The following PLA2G4E variants were observed in gnomAD, a reference collection of about 807,000 sequenced individuals.
PLA2G4E encodes cytosolic phospholipase A2 epsilon.
In PLA2G4E, 84 loss-of-function variants were observed where a neutral mutation model predicts 109.1. The observed-to-expected ratio is 0.77, with a 90% CI of 0.65 to 0.92. PLA2G4E has a LOEUF of 0.92. Ranked by LOEUF, PLA2G4E falls within the 40% of genes least tolerant of loss-of-function variation. The pLI, the probability that PLA2G4E is intolerant of heterozygous loss-of-function variation, is 0.00. For missense variants in PLA2G4E, 1,057 were observed against 1,076.6 expected (o/e 0.98, Z 0.25); for synonymous variants, 469 against 436.1 (o/e 1.08, Z -0.94).
At chr15:41,986,402 A>G (rs2068142540) in intron 17 of PLA2G4E, among the ~76,000 whole-genome samples, 1 of 152,178 alleles carries the variant, frequency 6.6e-6, no homozygotes, top group Admixed American at 6.5e-5. Flanking sequence ...TCAGCAGCAG[A>G]GGAGGCGGCA....
At chr15:41,987,770 C>G (rs1187670013) in intron 16 of PLA2G4E, among the ~76,000 whole-genome samples, 1 of 152,144 alleles carries the variant, frequency 6.6e-6, no homozygotes. Flanking sequence ...CACTGTAGCC[C>G]CAGCTGCCCT....
At chr15:42,015,067 C>A (rs967718054) in intron 1 of PLA2G4E, among the ~76,000 whole-genome samples, 2 of 152,162 alleles carry the variant, frequency 1.3e-5, no homozygotes, top group African/African-American at 4.8e-5. Context: ...CATCTCAAGC[C>A]CAGGTCCTCA....
intron 1 of PLA2G4E, among the ~76,000 whole-genome samples, chr15:42,030,445 G>A (rs182099503): frequency 1.6e-3 from 242 of 152,286 alleles, no homozygotes; most frequent in Non-Finnish European, 2.5e-3. Flanking sequence ...CCAAATACAC[G>A]ATAGGCTCCC....
chr15:42,022,601 C>G (rs1031137985), intron 1 of PLA2G4E, among the ~76,000 whole-genome samples: 1 of 151,926 alleles, frequency 6.6e-6, no homozygotes, highest in Non-Finnish European at 1.5e-5. Flanking sequence ...CTAGATCCCT[C>G]GAGTATACAG....
chr15:42,026,302 C>T (rs1230138755), intron 1 of PLA2G4E, among the ~76,000 whole-genome samples: 1 of 152,060 alleles, frequency 6.6e-6, no homozygotes, highest in Non-Finnish European at 1.5e-5. Context: ...AAATTGGCAC[C>T]ACAAGTCAAT....
At chr15:42,026,888 G>T (rs73397840) in intron 1 of PLA2G4E, among the ~76,000 whole-genome samples, 7 of 151,460 alleles carry the variant, frequency 4.6e-5, no homozygotes, top group Non-Finnish European at 8.8e-5. Flanking sequence ...TAAAAGAACC[G>T]CTTGAACCCA....
exon 11 of PLA2G4E, chr15:41,997,238 C>T (rs563492624): frequency 1.4e-5 from 22 of 1,548,640 alleles, no homozygotes; most frequent in African/African-American, 5.5e-5. Context: ...TGAAGCCCAG[C>T]CGCACGTCCA....
chr15:42,049,858 G>T (rs1253905014), intron 1 of PLA2G4E, among the ~76,000 whole-genome samples: 1 of 152,196 alleles, frequency 6.6e-6, no homozygotes, highest in East Asian at 1.9e-4. Flanking sequence ...TCACACGCCC[G>T]CCCAGAGGAG....
intron 13 of PLA2G4E, among the ~76,000 whole-genome samples, chr15:41,990,453 C>T (rs184665894): frequency 3.9e-5 from 6 of 152,070 alleles, no homozygotes; most frequent in South Asian, 2.1e-4. Flanking sequence ...AGACAGGGGC[C>T]GGGACTGGAT....
intron 7 of PLA2G4E, 67 bp from the exon 8 acceptor site, chr15:42,000,349 C>A: frequency 3.5e-6 from 5 of 1,426,024 alleles, no homozygotes; most frequent in South Asian, 2.8e-5. Flanking sequence ...CTTGGTCCAG[C>A]AAAAAACCTA....
intron 3 of PLA2G4E, 185 bp from the exon 4 acceptor site, chr15:42,006,306 C>A (rs1849982918): frequency 1.1e-5 from 7 of 614,224 alleles, no homozygotes; most frequent in Non-Finnish European, 1.8e-5. Context: ...AGTGTCTATT[C>A]CCTCCTTTCC....
intron 1 of PLA2G4E, among the ~76,000 whole-genome samples, chr15:42,031,634 C>A (rs552554765): frequency 3.3e-5 from 5 of 152,284 alleles, no homozygotes; most frequent in African/African-American, 1.2e-4. Context: ...AACAGGCAGC[C>A]CTCACGTTTT....
chr15:42,010,132 G>GGGGGGCCC, intron 2 of PLA2G4E: 1 of 407,100 alleles, frequency 2.5e-6, no homozygotes. Flanking sequence ...CAGAACACTG[G>GGGGGGCCC]CCCCCCCACC....
At position 42,010,134 on chromosome 15, in the gene PLA2G4E, C is replaced by T. The variant is rs773358328; in HGVS notation, c.257-2269G>A. 3.9e-5 allele frequency: 18 copies of T among 464,164 alleles called. 1 individual carries two copies. The highest frequency in any genetic ancestry group is 7.3e-5 in the Non-Finnish European group (17 of 233,684). The allele number at this position is 464,164 out of a possible 1,614,324, so 28.8% of individuals were successfully genotyped here. On this transcript the variant is annotated intron_variant, in intron 2 of 19. Transcript: ENST00000399518. ...CCCTTGGCTTTTCCAGAACACTGGCCCCCCCACCCCGGGCCTGGACCACAC... is the reference window on the plus strand; with the variant it reads ...CCCTTGGCTTTTCCAGAACACTGGCTCCCCCACCCCGGGCCTGGACCACAC...
In PLA2G4E at chr15:41,990,249, A is replaced by C; in HGVS notation, c.1471-14T>G. ...GCATTCATTTCTCTGTGGGGAAACA[A>C]AATGGTTAAAGAGAAGCAGCAGCCC... On this transcript the variant is annotated splice_polypyrimidine_tract_variant and intron_variant, in intron 13 of 19. Coordinates refer to ENST00000399518, the Ensembl canonical transcript of PLA2G4E. The C allele has an allele frequency of 1.9e-6, 3 of 1,611,396 alleles. No homozygotes were observed. The highest frequency in any genetic ancestry group is 2.5e-6 in the Non-Finnish European group (3 of 1,178,282).
chr15:42,002,775 T>C (rs1418091382), intron 5 of PLA2G4E, 79 bp from the exon 6 acceptor site: 1 of 1,271,552 alleles, frequency 7.9e-7, no homozygotes, highest in Admixed American at 2.0e-5. Context: ...AGGGAATAAA[T>C]AGGGTCAATA....
chr15:42,038,927 G>A (rs9806167), intron 1 of PLA2G4E, among the ~76,000 whole-genome samples: 3,048 of 152,156 alleles, frequency 0.02, 115 homozygotes, highest in African/African-American at 0.07. Context: ...TGGGCTATAC[G>A]ATGGGGTATC....
chr15:42,045,120 G>C (rs777891807), intron 1 of PLA2G4E, among the ~76,000 whole-genome samples: 1 of 152,210 alleles, frequency 6.6e-6, no homozygotes. Context: ...AGGCTGTCAA[G>C]ATCCCACGTG....
chr15:42,022,488 G>T (rs1176178028), intron 1 of PLA2G4E, among the ~76,000 whole-genome samples: 1 of 151,828 alleles, frequency 6.6e-6, no homozygotes, highest in Non-Finnish European at 1.5e-5. Flanking sequence ...AGAATCAGTG[G>T]GAACCCTGAG....
Sources: allele counts gnomAD v4.1 joint callset (sites outside exome capture counted in the v4.1 genomes callset), GRCh38; gene constraint gnomAD v4.1.1; transcripts MANE v1.5; gene names NCBI Gene and HGNC (gene_info 2026-07-23, HGNC 2026-07-21).